POMT2: variants seen among roughly 807,000 people sequenced by gnomAD.
The protein encoded by POMT2 is protein O-mannosyltransferase 2.
Under a neutral mutation model 100.0 loss-of-function variants are expected in POMT2, and 75 were observed. The observed-to-expected ratio is 0.75, with a 90% confidence interval of 0.62 to 0.91. The LOEUF is 0.91. Ranked by LOEUF, POMT2 falls within the 40% of genes least tolerant of loss-of-function variation. The pLI, the probability that POMT2 is intolerant of heterozygous loss-of-function variation, is 0.00. For missense variants in POMT2, 940 were observed against 955.1 expected, an observed-to-expected ratio of 0.98 and a Z score of 0.21; for synonymous variants, 378 against 374.1, an observed-to-expected ratio of 1.01 and a Z score of -0.12.
rs111322450 is a variant in POMT2 at position 77,286,882 on chromosome 14, T to C, written c.1254-60A>G. ...TAGAAAGATGATGTGCAACATTTCTTCTTTTACCAAGGATGTTCAGAGTCA... is the reference window on the plus strand; with the variant it reads ...TAGAAAGATGATGTGCAACATTTCTCCTTTTACCAAGGATGTTCAGAGTCA... On this transcript the variant is annotated intron_variant, in intron 11 of 20. Coordinates refer to ENST00000261534, the MANE Select transcript of POMT2 (RefSeq NM_013382.7). The C allele has an allele frequency of 3.4e-4, 548 of 1,612,530 alleles. 3 individuals are homozygous for C. In the African/African-American group the frequency reaches 6.3e-3, roughly 19 times the overall value.
chr14:77,312,005 C>A lies in POMT2; in HGVS notation c.277G>T (p.Gly93Ter). ...AATGTACGGTTGATATAGTAACTTCCCATTTTTCCAAAGTGAGTCTCATCC... is the reference window on the plus strand; with the variant it reads ...AATGTACGGTTGATATAGTAACTTCACATTTTTCCAAAGTGAGTCTCATCC... The part of the protein sequence containing the change: ...CWDETHFGKM[G>*]SYYINRTFFF... The change falls in exon 2 of 21, where the codon GGA (glycine) becomes TGA (stop). Residue 93 changes from glycine to a stop codon, truncating the protein, a stop_gained. Transcript: ENST00000261534. LOFTEE classifies it high-confidence loss of function. 6.2e-7 allele frequency: 1 copy of A among 1,614,026 alleles called. No individual in the cohort carries two copies. The highest frequency in any genetic ancestry group is 8.5e-7 in the Non-Finnish European group (1 of 1,179,992).
At chr14:77,318,014 A>G (rs903861671) in intron 1 of POMT2, among the ~76,000 whole-genome samples, 1 of 152,250 alleles carries the variant, frequency 6.6e-6, no homozygotes, top group Non-Finnish European at 1.5e-5. Context: ...ATTGGATATT[A>G]GAAGGCCTGC....
chr14:77,313,155 T>A (rs1326617918), intron 1 of POMT2, among the ~76,000 whole-genome samples: 1 of 152,240 alleles, frequency 6.6e-6, no homozygotes, highest in African/African-American at 2.4e-5. Flanking sequence ...AAAGAAGGGT[T>A]ACTTTCTAGT....
intron 3 of POMT2, 82 bp downstream of exon 3, chr14:77,306,255 C>T (rs570180158): frequency 5.2e-5 from 83 of 1,586,360 alleles, no homozygotes; most frequent in South Asian, 3.4e-4. Flanking sequence ...CCTGCCACCA[C>T]GCCAGGGCTG....
At chr14:77,302,564 C>G (rs968183638) in intron 5 of POMT2, among the ~76,000 whole-genome samples, 1 of 152,152 alleles carries the variant, frequency 6.6e-6, no homozygotes, top group Non-Finnish European at 1.5e-5. Context: ...CCATTGTAAA[C>G]ATGATAATAA....
At chr14:77,301,825 C>G (rs1380138167) in intron 5 of POMT2, among the ~76,000 whole-genome samples, 2 of 152,106 alleles carry the variant, frequency 1.3e-5, no homozygotes, top group African/African-American at 2.4e-5. Context: ...CAGTTTTAAC[C>G]CAGGCAATTG....
At chr14:77,298,013 T>G (rs1476512278) in intron 8 of POMT2, among the ~76,000 whole-genome samples, 3 of 152,224 alleles carry the variant, frequency 2.0e-5, no homozygotes. Context: ...ACCTAACTTT[T>G]CACATTTATC....
intron 6 of POMT2, 130 bp downstream of exon 6, chr14:77,300,960 G>A: frequency 1.3e-6 from 2 of 1,581,910 alleles, no homozygotes; most frequent in Non-Finnish European, 1.7e-6. Flanking sequence ...GAGGTTGGGG[G>A]GTCCAGCCCA....
Position 77,320,450 on chromosome 14 carries a change from C to G in POMT2, c.232G>C (p.Glu78Gln), listed in dbSNP as rs151103906. ...ATCACTCACCAGATGTGCGGCGGCT[C>G]GTCCAAGCGGTGGAAGCGGGTGGCG... Reference protein sequence around the residue: ...SFATRFHRLDEPPHICWDETH... With the variant: ...SFATRFHRLDQPPHICWDETH... The change falls in exon 1 of 21, where the codon GAG becomes CAG. Residue 78 changes from glutamate (E) to glutamine (Q), a missense_variant. By Grantham distance (29) the Glu-to-Gln change is conservative. Transcript: ENST00000261534. The G allele has an allele frequency of 1.2e-3, 1,809 of 1,546,362 alleles. 3 individuals carry two copies. Among genetic ancestry groups the G allele is most frequent in the Non-Finnish European group, 1.4e-3 (1,595 of 1,146,900 alleles).
chr14:77,320,811 G>C lies in POMT2; in HGVS notation c.-130C>G. ...GCAACGCCCTTCACTGCAGCGGAGC[G>C]CGGGGCCCCGGGCTCGGGGCGGGGC... On this transcript the variant is annotated 5_prime_UTR_variant, in exon 1 of 21. Transcript: ENST00000261534. The C allele has an allele frequency of 3.6e-6, 5 of 1,389,306 alleles. No individual in the cohort carries two copies. The highest frequency in any genetic ancestry group is 4.6e-6 in the Non-Finnish European group (5 of 1,079,516). The allele number at this position is 1,389,306 out of a possible 1,614,324, so 86.1% of individuals were successfully genotyped here.
At chr14:77,294,652 G>A (rs1402085263) in intron 9 of POMT2, among the ~76,000 whole-genome samples, 1 of 152,206 alleles carries the variant, frequency 6.6e-6, no homozygotes, top group Non-Finnish European at 1.5e-5. Context: ...CTCTGCACAA[G>A]CTCTCTCTTT....
At chr14:77,303,283 C>T (rs1199198291) in intron 4 of POMT2, among the ~76,000 whole-genome samples, 2 of 152,164 alleles carry the variant, frequency 1.3e-5, no homozygotes, top group East Asian at 1.9e-4. Flanking sequence ...CTCATGTAAC[C>T]GCAAACTATC....
chr14:77,320,530 C>A lies in POMT2; in HGVS notation c.152G>T (p.Arg51Leu), dbSNP rs866861619. ...SPKRPAWGSR[R>L]FEAVGWWALL... ...GGCCCACCAGCCGACCGCCTCGAAG[C>A]GCCGTGAGCCCCAAGCAGGCCGTTT... The change falls in exon 1 of 21, where the codon CGC (arginine) becomes CTC (leucine). Residue 51 changes from arginine to leucine, a missense_variant. Transcript: ENST00000261534. The A allele has an allele frequency of 3.9e-6, 6 of 1,558,210 alleles. No homozygotes were observed. The highest frequency in any genetic ancestry group is 5.2e-6 in the Non-Finnish European group (6 of 1,157,156).
At chr14:77,308,719 A>AGTG (rs1566660299) in intron 2 of POMT2, 1 of 448,228 alleles carries the variant, frequency 2.2e-6, no homozygotes. Context: ...AAGCACTGTC[A>AGTG]TACACTGTTG....
chr14:77,306,099 G>T, intron 3 of POMT2: 1 of 534,090 alleles, frequency 1.9e-6, no homozygotes, highest in East Asian at 4.7e-5. Flanking sequence ...AGGTGACAAT[G>T]CGTGCCTGCT....
At chr14:77,279,212 C>T (rs1032607037) in intron 18 of POMT2, 6 of 411,638 alleles carry the variant, frequency 1.5e-5, no homozygotes, top group African/African-American at 1.2e-4. Context: ...CAGCGGCAGA[C>T]AGGCGCTAAG....
chr14:77,298,734 C>T lies in POMT2; in HGVS notation c.961G>A (p.Ala321Thr), dbSNP rs770147545. Residue 321 changes from alanine (A) to threonine (T), a missense_variant, in exon 8 of 21, where the codon GCC (alanine) becomes ACC (threonine). Transcript: ENST00000261534. ...TGCAGGTTGTTCCCTGAAAGCCGGGCCTGGAAGGCAGAACTGAAGAAACCG... is the reference window on the plus strand; with the variant it reads ...TGCAGGTTGTTCCCTGAAAGCCGGGTCTGGAAGGCAGAACTGAAGAAACCG... ...GDGFFSSAFQ[A>T]RLSGNNLHNA... 2.5e-6 allele frequency: 4 copies of T among 1,613,650 alleles called. No individual in the cohort carries two copies. The Admixed American group carries it at 6.7e-5, about 27-fold the overall frequency.
Position 77,284,859 on chromosome 14 carries a change from T to C in POMT2, c.1576+91A>G, listed in dbSNP as rs1471236560. 3.5e-6 allele frequency: 4 copies of C among 1,130,554 alleles called. No homozygotes were observed. The South Asian group carries it at 3.8e-5, about 11-fold the overall frequency. The allele number at this position is 1,130,554 out of a possible 1,614,324, so 70.0% of individuals were successfully genotyped here. A position where few individuals can be genotyped will look rare whatever the true frequency, so the allele number is the denominator to read the frequency against. ...AACAAACAGCAGCAAGTTGAAGGGA[T>C]AGCACAGTTTACAAACGCTTACTTT... On this transcript the variant is annotated intron_variant, in intron 14 of 20. Transcript: ENST00000261534.
intron 4 of POMT2, among the ~76,000 whole-genome samples, chr14:77,303,825 A>C (rs1323902381): frequency 6.6e-6 from 1 of 152,162 alleles, no homozygotes; most frequent in East Asian, 1.9e-4. Context: ...TTATTCATTT[A>C]CTTGTTTATT....
Sources: gnomAD v4.1 joint callset for allele counts (sites outside exome capture counted in the v4.1 genomes callset) on GRCh38, gnomAD v4.1.1 for gene constraint, MANE v1.5 for transcripts, NCBI Gene and HGNC (gene_info 2026-07-23, HGNC 2026-07-21) for gene names.